The following MCCC2 variants were observed in gnomAD, a reference collection of about 807,000 sequenced individuals.
The protein encoded by MCCC2 is methylcrotonyl-CoA carboxylase subunit 2, also known as methylcrotonoyl-CoA carboxylase beta chain, mitochondrial.
A neutral mutation model predicts 77.2 loss-of-function variants in MCCC2; 52 were observed. The ratio of observed to expected loss-of-function variants is 0.67; its 90% CI spans 0.54 to 0.85. MCCC2 has a LOEUF of 0.85. Among genes scored for constraint, MCCC2 ranks in the 40% least tolerant of loss-of-function variants. MCCC2 has a pLI of 0.00. For missense variants in MCCC2, 682 were observed against 703.2 expected (o/e 0.97, Z 0.34); for synonymous variants, 253 against 248.4 (o/e 1.02, Z -0.18).
At chr5:71,614,611 G>A (rs1746096934) in intron 6 of MCCC2, among the ~76,000 whole-genome samples, 1 of 151,826 alleles carries the variant, frequency 6.6e-6, no homozygotes, top group Admixed American at 6.6e-5. Context: ...AGCCTCCCGA[G>A]TAGCTGGGAC....
intron 7 of MCCC2, among the ~76,000 whole-genome samples, chr5:71,628,355 C>G (rs1306750390): frequency 6.6e-6 from 1 of 152,158 alleles, no homozygotes; most frequent in Non-Finnish European, 1.5e-5. Context: ...GTGATGTCTT[C>G]CTTTGAAGCA....
chr5:71,656,655 A>G, intron 16 of MCCC2, 88 bp from the exon 17 acceptor site: 2 of 1,027,600 alleles, frequency 1.9e-6, no homozygotes, highest in Non-Finnish European at 1.5e-6. Context: ...TACCTGAAGG[A>G]AAACTTCCTT....
At chr5:71,633,091 T>TTTTATATATATATATATATA (rs1172020093) in intron 8 of MCCC2, among the ~76,000 whole-genome samples, 3 of 84,258 alleles carry the variant, frequency 3.6e-5, no homozygotes, top group African/African-American at 1.5e-4. Context: ...TTTTTCAGTT[T>TTTTATATATATATATATATA]TATATATATA....
chr5:71,642,817 G>A lies in MCCC2; in HGVS notation c.1073-1002G>A, dbSNP rs536156895. 2.0e-5 allele frequency among the ~76,000 whole-genome samples: 3 copies of A among 152,250 alleles called. No individual in the cohort carries two copies. The South Asian group carries it at 6.2e-4, about 32-fold the overall frequency. On this transcript the variant is annotated intron_variant, in intron 11 of 16. Transcript: ENST00000340941. ...ACATGTAGGTGGCCATCAAATCAGG[G>A]TTTCATTGTATCACATTAAATAAAC...
intron 13 of MCCC2, among the ~76,000 whole-genome samples, chr5:71,647,832 G>C (rs866210406): frequency 6.6e-6 from 1 of 151,576 alleles, no homozygotes; most frequent in African/African-American, 2.4e-5. Context: ...TGGGGAGCAT[G>C]ATTATGCAGT....
chr5:71,605,970 T>C (rs1381216920), intron 6 of MCCC2, among the ~76,000 whole-genome samples: 2 of 152,230 alleles, frequency 1.3e-5, no homozygotes, highest in Non-Finnish European at 2.9e-5. Flanking sequence ...CTGTTTTGGT[T>C]ACTGTAGCCT....
Position 71,587,566 on chromosome 5 carries a change from G to GC in MCCC2, c.129+16dup. 1 of 1,531,842 alleles carries GC rather than the reference G, an allele frequency of 6.5e-7. No homozygotes were observed. Among genetic ancestry groups the GC allele is most frequent in the Non-Finnish European group, 8.8e-7 (1 of 1,142,036 alleles). The allele number at this position is 1,531,842 out of a possible 1,614,324, so 94.9% of individuals were successfully genotyped here. A position where few individuals can be genotyped will look rare whatever the true frequency, so the allele number is the denominator to read the frequency against. On this transcript the variant is annotated intron_variant, in intron 1 of 16. Transcript: ENST00000340941. ...CTGCCCTCTACCAGGTAGGCTGAGC[G>GC]CCCCGGTGGCCTGGCCGCCGGTGCC... is the stretch of plus-strand genomic sequence containing the variant.
chr5:71,592,917 C>G lies in MCCC2; in HGVS notation c.130-9C>G. On this transcript the variant is annotated splice_polypyrimidine_tract_variant and intron_variant, in intron 1 of 16. Coordinates refer to ENST00000340941, the MANE Select transcript of MCCC2 (RefSeq NM_022132.5). ...TTTCTCTCCCCTGTCTCCTCTATTT[C>G]TGTTTTAGGAGAACTACAAGCAGAT... is the stretch of plus-strand genomic sequence containing the variant. 1 of 1,594,634 alleles carries G rather than the reference C, an allele frequency of 6.3e-7. No homozygotes were observed. The highest frequency in any genetic ancestry group is 8.6e-7 in the Non-Finnish European group (1 of 1,165,678).
chr5:71,604,217 G>T, intron 5 of MCCC2, 139 bp from the exon 6 acceptor site: 1 of 725,512 alleles, frequency 1.4e-6, no homozygotes, highest in Non-Finnish European at 2.4e-6. Flanking sequence ...GGAGAACGAG[G>T]CTCTATAACA....
At chr5:71,588,526 G>A (rs1476432345) in intron 1 of MCCC2, among the ~76,000 whole-genome samples, 1 of 152,170 alleles carries the variant, frequency 6.6e-6, no homozygotes, top group Non-Finnish European at 1.5e-5. Context: ...TTGTGGTCTA[G>A]GCACTATTTT....
chr5:71,614,969 A>AT (rs942916653), intron 6 of MCCC2, among the ~76,000 whole-genome samples: 1 of 151,640 alleles, frequency 6.6e-6, no homozygotes, highest in Non-Finnish European at 1.5e-5. Context: ...GGGTGGCTAC[A>AT]TTTTTTTCCC....
At chr5:71,646,429 C>A in intron 13 of MCCC2, 152 bp downstream of exon 13, 1 of 678,688 alleles carries the variant, frequency 1.5e-6, no homozygotes. Context: ...TAAGAGTTAG[C>A]ACTTTTCTTC....
At chr5:71,616,733 T>G (rs577183150) in intron 6 of MCCC2, among the ~76,000 whole-genome samples, 3 of 152,330 alleles carry the variant, frequency 2.0e-5, no homozygotes, top group African/African-American at 7.2e-5. Context: ...TTAATCCTTT[T>G]AGGTCAAAAA....
chr5:71,646,099 T>G, intron 12 of MCCC2, 112 bp from the exon 13 acceptor site: 1 of 872,700 alleles, frequency 1.1e-6, no homozygotes, highest in Non-Finnish European at 1.8e-6. Context: ...GAAAAAATTT[T>G]AAAGGGGAGT....
chr5:71,635,838 C>G (rs964684974), intron 10 of MCCC2: 3 of 165,016 alleles, frequency 1.8e-5, no homozygotes, highest in Non-Finnish European at 2.6e-5. Context: ...ATATCAAATT[C>G]TGTACTGGAA....
chr5:71,596,595 T>C (rs1745198710), intron 3 of MCCC2, among the ~76,000 whole-genome samples: 1 of 152,208 alleles, frequency 6.6e-6, no homozygotes, highest in Non-Finnish European at 1.5e-5. Context: ...CACAGATCTT[T>C]GCTCTACTAG....
intron 3 of MCCC2, among the ~76,000 whole-genome samples, chr5:71,598,606 A>ATT (rs34190236): frequency 9.5e-5 from 11 of 115,344 alleles, no homozygotes; most frequent in Admixed American, 1.9e-4. Flanking sequence ...CGCCTGGCTA[A>ATT]TTTTTTTTTT....
chr5:71,635,565 C>G (rs1746887318), intron 10 of MCCC2: 1 of 381,604 alleles, frequency 2.6e-6, no homozygotes, highest in African/African-American at 2.1e-5. Context: ...CAATTGTCAG[C>G]TATTTCTTTT....
At chr5:71,638,815 C>T (rs909378033) in intron 10 of MCCC2, among the ~76,000 whole-genome samples, 1 of 152,168 alleles carries the variant, frequency 6.6e-6, no homozygotes, top group Non-Finnish European at 1.5e-5. Flanking sequence ...GCCACCACGC[C>T]CGGCCCAGGA....
Sources: gnomAD v4.1 joint callset for allele counts (sites outside exome capture counted in the v4.1 genomes callset) on GRCh38, gnomAD v4.1.1 for gene constraint, MANE v1.5 for transcripts, NCBI Gene and HGNC (gene_info 2026-07-23, HGNC 2026-07-21) for gene names.